Variants in TFDP1 observed in about 807,000 individuals in gnomAD.
TFDP1 encodes the protein transcription factor Dp-1.
Under a neutral mutation model 48.0 loss-of-function variants are expected in TFDP1, and 6 were observed. The ratio of observed to expected loss-of-function variants is 0.13; its 90% CI spans 0.07 to 0.25. The LOEUF is 0.25. TFDP1 is among the 10% of genes least tolerant of loss of function. The pLI, the probability that TFDP1 is intolerant of heterozygous loss-of-function variation, is 1.00. For missense variants in TFDP1, 335 were observed against 543.0 expected, an observed-to-expected ratio of 0.62 and a Z score of 3.81; for synonymous variants, 201 against 211.6, an observed-to-expected ratio of 0.95 and a Z score of 0.44.
At chr13:113,635,867 C>A in intron 8 of TFDP1, 110 bp from the exon 9 acceptor site, 2 of 1,308,922 alleles carry the variant, frequency 1.5e-6, no homozygotes, top group Non-Finnish European at 2.1e-6. Flanking sequence ...GATGTCCAGG[C>A]CAACTCCTCG....
intron 3 of TFDP1, among the ~76,000 whole-genome samples, chr13:113,620,990 C>T (rs561169892): frequency 1.2e-4 from 18 of 152,334 alleles, no homozygotes; most frequent in African/African-American, 4.1e-4. Context: ...CCTTATGTAG[C>T]ACAAAATTCA....
chr13:113,609,672 G>A (rs867911079), intron 2 of TFDP1, among the ~76,000 whole-genome samples: 1 of 152,148 alleles, frequency 6.6e-6, no homozygotes, highest in Non-Finnish European at 1.5e-5. Flanking sequence ...TTCCCATGGT[G>A]TGTCCCCTGA....
chr13:113,619,026 G>A (rs906016112), intron 3 of TFDP1, among the ~76,000 whole-genome samples: 2 of 152,222 alleles, frequency 1.3e-5, no homozygotes, highest in Admixed American at 1.3e-4. Context: ...GACTCGGGGG[G>A]AGGCTGAGGA....
intron 2 of TFDP1, among the ~76,000 whole-genome samples, chr13:113,599,790 G>T (rs563942055): frequency 2.0e-5 from 3 of 151,766 alleles, no homozygotes; most frequent in African/African-American, 4.8e-5. Context: ...AGGGCTCCAG[G>T]ACTACGAGAG....
intron 2 of TFDP1, among the ~76,000 whole-genome samples, chr13:113,592,446 C>T (rs949729876): frequency 1.3e-5 from 2 of 152,234 alleles, no homozygotes; most frequent in African/African-American, 4.8e-5. Context: ...CGTGAGCCAC[C>T]GCGCCTGGCC....
chr13:113,613,831 CAT>C (rs1364424665), intron 3 of TFDP1, among the ~76,000 whole-genome samples: 4 of 150,574 alleles, frequency 2.7e-5, no homozygotes, highest in South Asian at 2.1e-4. Context: ...TCATGGGTTG[CAT>C]ATGTGTTGAG....
At chr13:113,618,378 C>T (rs928709964) in intron 3 of TFDP1, among the ~76,000 whole-genome samples, 6 of 152,076 alleles carry the variant, frequency 3.9e-5, no homozygotes, top group Non-Finnish European at 7.4e-5. Flanking sequence ...AAAAATTAGC[C>T]GGGTATGGTT....
At chr13:113,625,632 C>T (rs1461204772) in intron 4 of TFDP1, among the ~76,000 whole-genome samples, 36 of 43,254 alleles carry the variant, frequency 8.3e-4, no homozygotes, top group South Asian at 2.3e-3. Context: ...TGTCCTCAGG[C>T]GTCTCTCACG....
intron 2 of TFDP1, among the ~76,000 whole-genome samples, chr13:113,594,044 C>T (rs2048220005): frequency 7.4e-6 from 1 of 134,720 alleles, no homozygotes. Context: ...CCTCACCCAC[C>T]CAGGTGACAG....
intron 3 of TFDP1, among the ~76,000 whole-genome samples, chr13:113,614,316 T>C (rs1303542416): frequency 6.6e-6 from 1 of 152,180 alleles, no homozygotes; most frequent in Admixed American, 6.5e-5. Flanking sequence ...AACAGACACC[T>C]GTCTTCACTA....
intron 4 of TFDP1, among the ~76,000 whole-genome samples, chr13:113,629,786 C>T (rs1396972768): frequency 6.6e-6 from 1 of 152,138 alleles, no homozygotes; most frequent in Non-Finnish European, 1.5e-5. Context: ...TGTAAGTCCA[C>T]TCTTTGTGAG....
At chr13:113,637,698 A>T in intron 10 of TFDP1, 120 bp from the exon 11 acceptor site, 1 of 1,575,240 alleles carries the variant, frequency 6.3e-7, no homozygotes, top group Non-Finnish European at 8.6e-7. Flanking sequence ...CAAGCGAAGG[A>T]TATCCGGAAG....
chr13:113,605,445 G>T (rs2048540194), intron 2 of TFDP1, among the ~76,000 whole-genome samples: 1 of 152,184 alleles, frequency 6.6e-6, no homozygotes, highest in Admixed American at 6.5e-5. Flanking sequence ...CAAATGTAGT[G>T]GCTTAAAACA....
At chr13:113,615,652 C>T (rs143562879) in intron 3 of TFDP1, among the ~76,000 whole-genome samples, 1 of 152,316 alleles carries the variant, frequency 6.6e-6, no homozygotes, top group Non-Finnish European at 1.5e-5. Flanking sequence ...ACCAGAAATC[C>T]CGGTGCTTTG....
intron 2 of TFDP1, among the ~76,000 whole-genome samples, chr13:113,595,908 C>A (rs1242063437): frequency 1.3e-5 from 2 of 152,174 alleles, no homozygotes; most frequent in Middle Eastern, 3.2e-3. Flanking sequence ...TGGTGAAACC[C>A]CGTCTCTACT....
intron 7 of TFDP1, chr13:113,634,245 T>C (rs1029180808): frequency 2.8e-6 from 2 of 717,400 alleles, no homozygotes; most frequent in African/African-American, 1.8e-5. Context: ...TCTGTTAAAC[T>C]CTAGTGTAGG....
In TFDP1 at chr13:113,633,626, C is replaced by T. The variant is rs556404406; in HGVS notation, c.475-264C>T. 4.6e-5 allele frequency among the ~76,000 whole-genome samples: 7 copies of T among 152,220 alleles called. No individual in the cohort carries two copies. Among genetic ancestry groups the T allele is most frequent in the African/African-American group, 9.6e-5 (4 of 41,454 alleles). On this transcript the variant is annotated intron_variant, in intron 6 of 11. Transcript: ENST00000375370. This position sits in a 1 kb window ranked among gnomAD's most constrained non-coding sequence, Gnocchi z 4.5. ...ACGTGGGCTGGCTCTGCACGTCTAG[C>T]GGCCCAGAAATGCACAAATGCCCAC...
In TFDP1 at chr13:113,623,389, C is replaced by T; in HGVS notation, c.186+103C>T. The T allele has an allele frequency of 1.8e-6, 2 of 1,101,998 alleles. No individual in the cohort carries two copies. Among genetic ancestry groups the T allele is most frequent in the Non-Finnish European group, 1.3e-6 (1 of 763,690 alleles). The allele number at this position is 1,101,998 out of a possible 1,614,324, so 68.3% of individuals were successfully genotyped here. A position where few individuals can be genotyped will look rare whatever the true frequency, so the allele number is the denominator to read the frequency against. On this transcript the variant is annotated intron_variant, in intron 4 of 11. Coordinates refer to ENST00000375370, the MANE Select transcript of TFDP1 (RefSeq NM_007111.5). The surrounding 1 kb of genome is among the most constrained non-coding windows in gnomAD (Gnocchi z 5.2). ...TCCCAGGTGTGCCTGGATTTGGGCTCCAGTTGCAGCATGGGGCCTTTCCCT... is the reference window on the plus strand; with the variant it reads ...TCCCAGGTGTGCCTGGATTTGGGCTTCAGTTGCAGCATGGGGCCTTTCCCT...
intron 3 of TFDP1, among the ~76,000 whole-genome samples, chr13:113,611,330 A>G (rs1398777478): frequency 6.6e-6 from 1 of 152,234 alleles, no homozygotes; most frequent in Admixed American, 6.5e-5. Flanking sequence ...TATTGTAAAG[A>G]AGAAATAAAG....
Sources: allele counts gnomAD v4.1 joint callset (sites outside exome capture counted in the v4.1 genomes callset), GRCh38; gene constraint gnomAD v4.1.1; non-coding constraint Gnocchi (gnomAD v3.1); transcripts MANE v1.5; gene names NCBI Gene and HGNC (gene_info 2026-07-23, HGNC 2026-07-21).